MLX: variants seen among roughly 807,000 people sequenced by gnomAD.
MLX encodes the protein max-like protein X.
Under a neutral mutation model 33.0 loss-of-function variants are expected in MLX, and 15 were observed. That is an observed-to-expected ratio of 0.45 (90% CI 0.30 to 0.70). MLX has a LOEUF of 0.70. Ranked by LOEUF, MLX falls within the 30% of genes least tolerant of loss-of-function variation. The pLI, the probability that MLX is intolerant of heterozygous loss-of-function variation, is 0.07. For synonymous variants in MLX, 115 were observed against 115.6 expected, an observed-to-expected ratio of 0.99 and a Z score of 0.03; for missense variants, 285 against 306.3, an observed-to-expected ratio of 0.93 and a Z score of 0.52.
rs1176730050 is a variant in MLX, at chr17:42,572,850, C to CTTAAT, written c.*1251_*1252insTTTAA. On this transcript the variant is annotated 3_prime_UTR_variant, in exon 8 of 8. Transcript: ENST00000435881. ...TTATGCTTGTCTCCTGACTGCTCTGCTTAAAGGTGAAAGTAGCAGGAACAA... is the reference window on the plus strand; with the variant it reads ...TTATGCTTGTCTCCTGACTGCTCTGCTTAATTTAAAGGTGAAAGTAGCAGGAACAA... 2 of 1,246,804 alleles carry CTTAAT rather than the reference C, an allele frequency of 1.6e-6. No homozygotes were observed. The highest frequency in any genetic ancestry group is 1.8e-5 in the Admixed American group (1 of 56,626). The allele number at this position is 1,246,804 out of a possible 1,614,324, so 77.2% of individuals were successfully genotyped here.
At chr17:42,567,705 T>C in intron 2 of MLX, 50 bp downstream of exon 2, 1 of 1,612,628 alleles carries the variant, frequency 6.2e-7, no homozygotes, top group Non-Finnish European at 8.5e-7. Flanking sequence ...CCGCCCAGGC[T>C]CTCTAGATTC....
At chr17:42,571,482 C>T in intron 7 of MLX, 65 bp from the exon 8 acceptor site, 1 of 1,526,656 alleles carries the variant, frequency 6.6e-7, no homozygotes, top group South Asian at 1.1e-5. Flanking sequence ...TCTAGGCAGG[C>T]ATCTTGGAAA....
In MLX at chr17:42,568,832, C is replaced by G; in HGVS notation, c.170-5C>G. ...ACCTTTCCCTGCCCCCATCTCTGAG[C>G]GTAGATGATGAGGACAGTGATTACC... On this transcript the variant is annotated splice_region_variant and splice_polypyrimidine_tract_variant and intron_variant, in intron 3 of 7. Transcript: ENST00000435881. 1 of 1,600,982 alleles carries G rather than the reference C, an allele frequency of 6.2e-7. No individual in the cohort carries two copies. The highest frequency in any genetic ancestry group is 8.5e-7 in the Non-Finnish European group (1 of 1,172,614).
intron 4 of MLX, 83 bp downstream of exon 4, chr17:42,569,026 G>C: frequency 7.0e-7 from 1 of 1,424,616 alleles, no homozygotes; most frequent in Non-Finnish European, 9.8e-7. Context: ...CACTCAGACA[G>C]TCCCAGGCAC....
chr17:42,567,562 G>A, intron 1 of MLX, 57 bp from the exon 2 acceptor site: 1 of 1,611,998 alleles, frequency 6.2e-7, no homozygotes, highest in South Asian at 1.1e-5. Flanking sequence ...CAGTGGAAGG[G>A]GCGCCTCCCC....
chr17:42,568,736 C>G (rs932972237), intron 3 of MLX, 101 bp from the exon 4 acceptor site: 1 of 1,155,448 alleles, frequency 8.7e-7, no homozygotes, highest in African/African-American at 1.5e-5. Flanking sequence ...GTCCATCTGC[C>G]TTCTCTGGAC....
At position 42,571,844 on chromosome 17, in the gene MLX, C is replaced by T. The variant is rs888488892; in HGVS notation, c.*241C>T. 1.9e-6 allele frequency: 1 copy of T among 534,280 alleles called. No homozygotes were observed. Among genetic ancestry groups the T allele is most frequent in the African/African-American group, 1.9e-5 (1 of 52,244 alleles). The allele number at this position is 534,280 out of a possible 1,614,324, so 33.1% of individuals were successfully genotyped here. ...AAACTCAAACCTACCCAGCCTTCCC[C>T]CCACTCCATGGAAGTCCTTGGGATG... On this transcript the variant is annotated 3_prime_UTR_variant, in exon 8 of 8. Transcript: ENST00000435881.
At chr17:42,569,100 C>A in intron 4 of MLX, 104 bp from the exon 5 acceptor site, 2 of 1,308,456 alleles carry the variant, frequency 1.5e-6, no homozygotes, top group South Asian at 1.2e-5. Context: ...CTTCCCACCC[C>A]ATTGAGTTTG....
rs758884801 is a variant in MLX at position 42,572,820 on chromosome 17, C to G, written c.*1217C>G. The stretch of plus-strand genomic sequence containing the variant: ...GCCCTCATCCTCTCTACCCAGTGCT[C>G]TGGTTTATGCTTGTCTCCTGACTGC... On this transcript the variant is annotated 3_prime_UTR_variant, in exon 8 of 8. Transcript: ENST00000435881. 25 of 945,728 alleles carry G rather than the reference C, an allele frequency of 2.6e-5. No homozygotes were observed. The highest frequency in any genetic ancestry group is 3.8e-5 in the Non-Finnish European group (23 of 599,780). The allele number at this position is 945,728 out of a possible 1,614,324, so 58.6% of individuals were successfully genotyped here. A position where few individuals can be genotyped will look rare whatever the true frequency, so the allele number is the denominator to read the frequency against.
In MLX at chr17:42,572,821, T is replaced by C. The variant is rs764373882; in HGVS notation, c.*1218T>C. On this transcript the variant is annotated 3_prime_UTR_variant, in exon 8 of 8. Transcript: ENST00000435881. ...CCCTCATCCTCTCTACCCAGTGCTC[T>C]GGTTTATGCTTGTCTCCTGACTGCT... The C allele has an allele frequency of 1.1e-6, 1 of 949,348 alleles. No homozygotes were observed. The highest frequency in any genetic ancestry group is 1.4e-5 in the South Asian group (1 of 73,180). The allele number at this position is 949,348 out of a possible 1,614,324, so 58.8% of individuals were successfully genotyped here. A position where few individuals can be genotyped will look rare whatever the true frequency, so the allele number is the denominator to read the frequency against.
intron 1 of MLX, 50 bp from the exon 2 acceptor site, chr17:42,567,569 C>A (rs201177597): frequency 1.2e-6 from 2 of 1,611,348 alleles, no homozygotes; most frequent in Admixed American, 1.7e-5. Context: ...AGGGGCGCCT[C>A]CCCCTAGGGG....
rs895969980 is a variant in MLX at position 42,572,598 on chromosome 17, A to G, written c.*995A>G. On this transcript the variant is annotated 3_prime_UTR_variant, in exon 8 of 8. Coordinates refer to ENST00000435881, the MANE Select transcript of MLX (RefSeq NM_198204.2). ...CAACCTCTCTCTACCCTAGTTCTCC[A>G]AATTCACTTCTGCCTTCCTCAGGTT... 7 of 452,522 alleles carry G rather than the reference A, an allele frequency of 1.5e-5. No homozygotes were observed. Among genetic ancestry groups the G allele is most frequent in the African/African-American group, 4.0e-5 (2 of 49,924 alleles). 28.0% of individuals were successfully genotyped at this position (452,522 alleles called of 1,614,324 possible). A position where few individuals can be genotyped will look rare whatever the true frequency, so the allele number is the denominator to read the frequency against.
rs1028591913 is a variant in MLX, at chr17:42,572,572, G to A, written c.*969G>A. ...GGGCCCTCCAAATGCTCGTTTTATA[G>A]CAACCTCTCTCTACCCTAGTTCTCC... On this transcript the variant is annotated 3_prime_UTR_variant, in exon 8 of 8. Coordinates refer to ENST00000435881, the MANE Select transcript of MLX (RefSeq NM_198204.2). The A allele has an allele frequency of 2.2e-6, 1 of 453,550 alleles. No individual in the cohort carries two copies. The highest frequency in any genetic ancestry group is 2.4e-5 in the Admixed American group (1 of 42,422). The allele number at this position is 453,550 out of a possible 1,614,324, so 28.1% of individuals were successfully genotyped here. A position where few individuals can be genotyped will look rare whatever the true frequency, so the allele number is the denominator to read the frequency against.
In MLX at chr17:42,570,132, G is replaced by A; in HGVS notation, c.627G>A (p.Gln209=). 6.2e-7 allele frequency: 1 copy of A among 1,614,118 alleles called. No homozygotes were observed. Among genetic ancestry groups the A allele is most frequent in the Non-Finnish European group, 8.5e-7 (1 of 1,180,034 alleles). Residue 209 remains glutamine, a synonymous_variant, in exon 7 of 8, where the codon CAG becomes CAA. Transcript: ENST00000435881. The stretch of plus-strand genomic sequence containing the variant: ...CCTCCATCTCAGTGGCCAGCTTCCA[G>A]GAGCTGTCAGCGTGTGTCTTCAGCT... ...FNASISVASF[Q]ELSACVFSWI... is the part of the protein sequence containing the mutation.
chr17:42,570,745 T>C (rs2093027815), intron 7 of MLX, among the ~76,000 whole-genome samples: 1 of 152,036 alleles, frequency 6.6e-6, no homozygotes, highest in South Asian at 2.1e-4. Flanking sequence ...AACCTCCGCC[T>C]CCCGGGTTCA....
At chr17:42,570,923 G>A (rs1284765300) in intron 7 of MLX, among the ~76,000 whole-genome samples, 2 of 152,124 alleles carry the variant, frequency 1.3e-5, no homozygotes, top group African/African-American at 2.4e-5. Flanking sequence ...CCAAAGTGCT[G>A]GGATTACAGG....
rs1490667501 is a variant in MLX, at chr17:42,573,096, G to A, written c.*1493G>A. ...CACAGGGAAGCAAAGAAGGAAGAGA[G>A]CTCCACTTACAAAGAACTGCTTCTT... On this transcript the variant is annotated 3_prime_UTR_variant, in exon 8 of 8. Transcript: ENST00000435881. 2.5e-6 allele frequency: 4 copies of A among 1,614,094 alleles called. No homozygotes were observed. The highest frequency in any genetic ancestry group is 2.2e-5 in the East Asian group (1 of 44,900).
In MLX at chr17:42,571,702, A is replaced by G; in HGVS notation, c.*99A>G. ...CCGGGAGACTGGACTACAACACCTC[A>G]CACTGGTCAGCTGGTTTCTACTTGG... On this transcript the variant is annotated 3_prime_UTR_variant, in exon 8 of 8. Transcript: ENST00000435881. The G allele has an allele frequency of 9.0e-7, 1 of 1,111,804 alleles. No individual in the cohort carries two copies. Among genetic ancestry groups the G allele is most frequent in the South Asian group, 1.2e-5 (1 of 80,356 alleles). The allele number at this position is 1,111,804 out of a possible 1,614,324, so 68.9% of individuals were successfully genotyped here.
chr17:42,571,571 G>C lies in MLX; in HGVS notation c.703G>C (p.Val235Leu), dbSNP rs756214487. ...GACCCTGCGGGAGATTGTGATTGGCGTCCTGCACCAATTGAAAAACCAGCT... is the reference window on the plus strand; with the variant it reads ...GACCCTGCGGGAGATTGTGATTGGCCTCCTGCACCAATTGAAAAACCAGCT... ...PQTLREIVIG[V>L]LHQLKNQLY The change falls in exon 8 of 8, where the codon GTC (valine) becomes CTC (leucine). Residue 235 changes from valine (V) to leucine (L), a missense_variant. Physicochemically the swap from Val to Leu is conservative, Grantham distance 32. Coordinates refer to ENST00000435881, the MANE Select transcript of MLX (RefSeq NM_198204.2). 6.2e-7 allele frequency: 1 copy of C among 1,614,094 alleles called. No individual in the cohort carries two copies. The highest frequency in any genetic ancestry group is 2.2e-5 in the East Asian group (1 of 44,870).
Sources: gnomAD v4.1 joint callset for allele counts (sites outside exome capture counted in the v4.1 genomes callset) on GRCh38, gnomAD v4.1.1 for gene constraint, MANE v1.5 for transcripts, NCBI Gene and HGNC (gene_info 2026-07-23, HGNC 2026-07-21) for gene names.